ARF5: variants seen among roughly 807,000 people sequenced by gnomAD.
The protein encoded by ARF5 is ARF GTPase 5.
In ARF5, 10 loss-of-function variants were observed where a neutral mutation model predicts 24.8. That is an observed-to-expected ratio of 0.40 (90% CI 0.25 to 0.68). The LOEUF is 0.68. Among genes scored for constraint, ARF5 ranks in the 30% least tolerant of loss-of-function variants. ARF5 has a pLI of 0.36. For missense variants in ARF5, 135 were observed against 239.2 expected, an observed-to-expected ratio of 0.56 and a Z score of 2.87; for synonymous variants, 102 against 95.1, an observed-to-expected ratio of 1.07 and a Z score of -0.42.
At chr7:127,590,186 T>A in intron 4 of ARF5, 49 bp downstream of exon 4, 1 of 1,465,812 alleles carries the variant, frequency 6.8e-7, no homozygotes, top group Non-Finnish European at 9.6e-7. Flanking sequence ...GGGGACAGAG[T>A]GATCTCTGTA....
intron 4 of ARF5, 23 bp from the exon 5 acceptor site, chr7:127,590,940 C>T (rs779423977): frequency 2.1e-5 from 33 of 1,606,856 alleles, no homozygotes; most frequent in Non-Finnish European, 2.6e-5. Flanking sequence ...GCCTGGGTCC[C>T]ACCTTCTCTT....
At position 127,591,458 on chromosome 7, in the gene ARF5, T is replaced by C. The variant is rs1038743214; in HGVS notation, c.*159T>C. On this transcript the variant is annotated 3_prime_UTR_variant, in exon 6 of 6. Coordinates refer to ENST00000000233, the MANE Select transcript of ARF5 (RefSeq NM_001662.4). ...TCCTGCCTGCATGTTCTCTCTGTTG[T>C]TGGAGCCTGGAGCCTTGCTCTCTGG... 4 of 639,270 alleles carry C rather than the reference T, an allele frequency of 6.3e-6. No individual in the cohort carries two copies. Among genetic ancestry groups the C allele is most frequent in the South Asian group, 2.2e-5 (1 of 45,784 alleles). 39.6% of individuals were successfully genotyped at this position (639,270 alleles called of 1,614,324 possible). A position where few individuals can be genotyped will look rare whatever the true frequency, so the allele number is the denominator to read the frequency against.
intron 3 of ARF5, 102 bp from the exon 4 acceptor site, chr7:127,589,964 G>A (rs1425987398): frequency 2.9e-6 from 3 of 1,050,314 alleles, no homozygotes; most frequent in African/African-American, 3.1e-5. Context: ...AGATGAGAAG[G>A]ATTGACACAA....
At chr7:127,588,624 G>T in intron 1 of ARF5, 59 bp downstream of exon 1, 2 of 1,272,834 alleles carry the variant, frequency 1.6e-6, no homozygotes, top group South Asian at 4.7e-5. Context: ...CAGCCCTTCC[G>T]CCCCCGCGTC....
intron 4 of ARF5, among the ~76,000 whole-genome samples, chr7:127,590,439 T>C (rs1303435456): frequency 6.6e-6 from 1 of 152,104 alleles, no homozygotes; most frequent in Non-Finnish European, 1.5e-5. Flanking sequence ...TTCAAGCAAT[T>C]CTCCTGCCTC....
At chr7:127,588,963 C>T in intron 1 of ARF5, 120 bp from the exon 2 acceptor site, 1 of 1,201,980 alleles carries the variant, frequency 8.3e-7, no homozygotes, top group Non-Finnish European at 1.2e-6. Flanking sequence ...ACGACGCGCA[C>T]CTGGAGGCGC....
rs762067164 is a variant in ARF5 at position 127,588,592 on chromosome 7, G to A, written c.67+27G>A. 1.4e-5 allele frequency: 19 copies of A among 1,340,172 alleles called. No homozygotes were observed. The Admixed American group carries it at 2.1e-4, about 15-fold the overall frequency. The allele number at this position is 1,340,172 out of a possible 1,614,324, so 83.0% of individuals were successfully genotyped here. ...TGAGGCAGATCGAGCGCGCGGCCCG[G>A]ACCGGGGCGCCGGCCCCGGCGCAGC... On this transcript the variant is annotated intron_variant, in intron 1 of 5. Transcript: ENST00000000233.
chr7:127,588,602 C>T, intron 1 of ARF5, 37 bp downstream of exon 1: 1 of 1,313,824 alleles, frequency 7.6e-7, no homozygotes. Flanking sequence ...GACCGGGGCG[C>T]CGGCCCCGGC....
At chr7:127,589,358 T>C in intron 2 of ARF5, 127 bp from the exon 3 acceptor site, 1 of 1,075,756 alleles carries the variant, frequency 9.3e-7, no homozygotes, top group Non-Finnish European at 1.4e-6. Flanking sequence ...CCGCCAGTTC[T>C]GGGGTTCTGT....
rs1313251838 is a variant in ARF5, at chr7:127,589,598, G to A, written c.258+4G>A. On this transcript the variant is annotated splice_donor_region_variant and intron_variant, in intron 3 of 5. Transcript: ENST00000000233. ...GCACTACTTCCAGAACACTCAGGTG[G>A]AGTGTTGGGAGGGGACTTTCTAACC... 3 of 1,606,234 alleles carry A rather than the reference G, an allele frequency of 1.9e-6. No individual in the cohort carries two copies. The highest frequency in any genetic ancestry group is 2.6e-6 in the Non-Finnish European group (3 of 1,173,902).
intron 1 of ARF5, 38 bp from the exon 2 acceptor site, chr7:127,589,045 C>T: frequency 6.2e-7 from 1 of 1,610,134 alleles, no homozygotes. Context: ...GGGGCTCCCT[C>T]GCTCCCATCT....
intron 2 of ARF5, 132 bp downstream of exon 2, chr7:127,589,295 C>A: frequency 8.6e-7 from 1 of 1,166,220 alleles, no homozygotes; most frequent in Non-Finnish European, 1.2e-6. Flanking sequence ...GTCAGGGTAT[C>A]TCTACGTGGA....
intron 3 of ARF5, 121 bp from the exon 4 acceptor site, chr7:127,589,943 TAG>T: frequency 1.1e-6 from 1 of 892,164 alleles, no homozygotes; most frequent in Non-Finnish European, 1.8e-6. Flanking sequence ...TAAACTTCTG[TAG>T]AGTTTACTAG....
intron 2 of ARF5, 99 bp from the exon 3 acceptor site, chr7:127,589,386 A>G: frequency 8.4e-7 from 1 of 1,194,326 alleles, no homozygotes; most frequent in Non-Finnish European, 1.2e-6. Context: ...GGCCTTGATC[A>G]TTGCCTTCTG....
intron 5 of ARF5, 40 bp downstream of exon 5, chr7:127,591,128 G>A: frequency 6.2e-7 from 1 of 1,612,322 alleles, no homozygotes; most frequent in Non-Finnish European, 8.5e-7. Flanking sequence ...CCTGCCTCTT[G>A]AGGGAAGCTG....
rs1303907072 is a variant in ARF5 at position 127,589,134 on chromosome 7, G to A, written c.119G>A (p.Gly40Glu). 1.2e-6 allele frequency: 2 copies of A among 1,614,228 alleles called. No individual in the cohort carries two copies. Among genetic ancestry groups the A allele is most frequent in the African/African-American group, 1.3e-5 (1 of 75,060 alleles). Residue 40 changes from glycine (G) to glutamate (E), a missense_variant, in exon 2 of 6, where the codon GGG becomes GAG. This residue lies in a region of ARF5 where 8 missense variants were observed against 47.7 expected (regional missense o/e 0.17). Coordinates refer to ENST00000000233, the MANE Select transcript of ARF5 (RefSeq NM_001662.4). ...ACAATCCTGTACAAACTGAAGTTGG[G>A]GGAGATTGTCACCACCATCCCAACC... is the stretch of plus-strand genomic sequence containing the variant. ...KTTILYKLKL[G>E]EIVTTIPTIG...
Position 127,588,513 on chromosome 7 carries a change from G to A in ARF5, c.15G>A (p.Val5=). 1 of 1,470,826 alleles carries A rather than the reference G, an allele frequency of 6.8e-7. No homozygotes were observed. Among genetic ancestry groups the A allele is most frequent in the Non-Finnish European group, 9.1e-7 (1 of 1,101,296 alleles). 91.1% of individuals were successfully genotyped at this position (1,470,826 alleles called of 1,614,324 possible). MGLT[V]SALFSRIFGK... ...CGGGCCCCGCCATGGGCCTCACCGT[G>A]TCCGCGCTCTTTTCGCGGATCTTCG... The change falls in exon 1 of 6, where the codon GTG becomes GTA. Residue 5 remains valine, a synonymous_variant. Coordinates refer to ENST00000000233, the MANE Select transcript of ARF5 (RefSeq NM_001662.4).
In ARF5 at chr7:127,588,478, CGCCCCTCCCCGG is replaced by C. The variant is rs745423575; in HGVS notation, c.-15_-4del. ...AGCCCGCACCCCGCGTCGGTGCCCG[CGCCCCTCCCCGG>C]GCCCCGCCATGGGCCTCACCGTGTC... On this transcript the variant is annotated 5_prime_UTR_variant, in exon 1 of 6. Transcript: ENST00000000233. 1 of 1,426,578 alleles carries C rather than the reference CGCCCCTCCCCGG, an allele frequency of 7.0e-7. No individual in the cohort carries two copies. Among genetic ancestry groups the C allele is most frequent in the Admixed American group, 2.6e-5 (1 of 38,552 alleles). 88.4% of individuals were successfully genotyped at this position (1,426,578 alleles called of 1,614,324 possible).
At chr7:127,590,755 G>A (rs1245671608) in intron 4 of ARF5, among the ~76,000 whole-genome samples, 1 of 152,230 alleles carries the variant, frequency 6.6e-6, no homozygotes, top group Non-Finnish European at 1.5e-5. Flanking sequence ...TTTTGCCTAG[G>A]CAAGTACTCA....
Sources: gnomAD v4.1 joint callset for allele counts (sites outside exome capture counted in the v4.1 genomes callset) on GRCh38, gnomAD v4.1.1 for gene constraint, gnomAD v4.1.1 regional missense constraint, MANE v1.5 for transcripts, NCBI Gene and HGNC (gene_info 2026-07-23, HGNC 2026-07-21) for gene names.